The following ASXL3 variants were observed in gnomAD, a reference collection of about 807,000 sequenced individuals.
ASXL3 encodes the protein putative Polycomb group protein ASXL3.
ASXL3 carries 34 observed loss-of-function variants against 170.6 expected under a neutral mutation model. The ratio of observed to expected loss-of-function variants is 0.20; its 90% CI spans 0.15 to 0.27. The LOEUF is 0.27. Ranked by LOEUF, ASXL3 falls within the 10% of genes least tolerant of loss-of-function variation. The probability of loss-of-function intolerance (pLI) is 1.00; values close to 1 mark genes in which losing one functional copy is unlikely to be tolerated. For missense variants in ASXL3, 2,592 were observed against 2,695.3 expected, an observed-to-expected ratio of 0.96 and a Z score of 0.85; for synonymous variants, 1,002 against 989.1, an observed-to-expected ratio of 1.01 and a Z score of -0.24.
At chr18:33,600,998 C>T (rs1380668640) in intron 1 of ASXL3, among the ~76,000 whole-genome samples, 1 of 152,098 alleles carries the variant, frequency 6.6e-6, no homozygotes, top group Non-Finnish European at 1.5e-5. Flanking sequence ...TTAGTATGCT[C>T]TTCTTCCTAG....
At position 33,746,577 on chromosome 18, in the gene ASXL3, A is replaced by G. The variant is rs1350695097; in HGVS notation, c.6729A>G (p.Ala2243=). 6.3e-7 allele frequency: 1 copy of G among 1,590,648 alleles called. No individual in the cohort carries two copies. Among genetic ancestry groups the G allele is most frequent in the Non-Finnish European group, 8.6e-7 (1 of 1,165,554 alleles). ...TAGGTCCTTCAAAACTTTGTGTAGC[A>G]TGCCTGGTTGTACGATAAGAGCTGA... ...DCIGPSKLCV[A]CLVVR is the part of the protein sequence containing the mutation. The change falls in exon 12 of 12, where the codon GCA becomes GCG. Residue 2243 remains alanine (A), a synonymous_variant. Coordinates refer to ENST00000269197, the MANE Select transcript of ASXL3 (RefSeq NM_030632.3).
chr18:33,631,676 G>C (rs1018876684), intron 2 of ASXL3, among the ~76,000 whole-genome samples: 2 of 151,990 alleles, frequency 1.3e-5, no homozygotes, highest in Admixed American at 1.3e-4. Context: ...TCTCAAACTT[G>C]GTTGCACATT....
chr18:33,696,138 G>A (rs1344189927), intron 8 of ASXL3, among the ~76,000 whole-genome samples: 1 of 151,982 alleles, frequency 6.6e-6, no homozygotes, highest in East Asian at 1.9e-4. Flanking sequence ...CTAAATTAGG[G>A]TCAAAGTTAG....
intron 8 of ASXL3, among the ~76,000 whole-genome samples, chr18:33,689,040 C>G (rs1340010597): frequency 6.6e-6 from 1 of 151,782 alleles, no homozygotes; most frequent in Non-Finnish European, 1.5e-5. Flanking sequence ...TTCACCCAGG[C>G]TGGAGTGCAG....
intron 4 of ASXL3, among the ~76,000 whole-genome samples, chr18:33,654,903 A>G (rs2066059520): frequency 6.6e-6 from 1 of 152,008 alleles, no homozygotes; most frequent in Non-Finnish European, 1.5e-5. Flanking sequence ...AGATATTTTT[A>G]TGAATATCCA....
intron 9 of ASXL3, among the ~76,000 whole-genome samples, chr18:33,733,160 G>T (rs4799355): frequency 0.59 from 90,063 of 151,876 alleles, 27,922 homozygotes; most frequent in East Asian, 0.9. Flanking sequence ...GCTATTGCCA[G>T]CGTGCCAAGA....
chr18:33,715,056 C>T, intron 8 of ASXL3, among the ~76,000 whole-genome samples: 1 of 152,218 alleles, frequency 6.6e-6, no homozygotes, highest in Non-Finnish European at 1.5e-5. Context: ...TCAGTACACC[C>T]CCTTCAGTAA....
At position 33,647,314 on chromosome 18, in the gene ASXL3, C is replaced by T. The variant is rs1245653898; in HGVS notation, c.355+961C>T. On this transcript the variant is annotated intron_variant, in intron 4 of 11. Transcript: ENST00000269197. ...TGTAAGACTGTTACTGCTTCCGTTC[C>T]TCTCTGATCTGTAGCAAAGGTTGTG... 2.0e-5 allele frequency among the ~76,000 whole-genome samples: 3 copies of T among 152,070 alleles called. 1 individual carries two copies. The highest frequency in any genetic ancestry group is 2.0e-4 in the Admixed American group (3 of 15,260).
chr18:33,608,367 AATC>A (rs2145125376), intron 2 of ASXL3, among the ~76,000 whole-genome samples: 1 of 152,128 alleles, frequency 6.6e-6, no homozygotes, highest in South Asian at 2.1e-4. Context: ...ATATAAGTGG[AATC>A]ATCTAATATG....
chr18:33,726,697 T>C (rs770236730), intron 8 of ASXL3, among the ~76,000 whole-genome samples: 1 of 152,210 alleles, frequency 6.6e-6, no homozygotes, highest in Non-Finnish European at 1.5e-5. Flanking sequence ...TTTATACTAT[T>C]AGACAGCAGT....
At chr18:33,661,541 C>G in intron 4 of ASXL3, 75 bp from the exon 5 acceptor site, 2 of 1,418,152 alleles carry the variant, frequency 1.4e-6, no homozygotes. Context: ...TGCAGAAAAG[C>G]TCCAAGTGTG....
At chr18:33,605,819 C>T (rs1238525454) in intron 1 of ASXL3, among the ~76,000 whole-genome samples, 1 of 151,872 alleles carries the variant, frequency 6.6e-6, no homozygotes, top group Non-Finnish European at 1.5e-5. Flanking sequence ...CTATCTGTCT[C>T]CTCTTTCCCC....
intron 2 of ASXL3, among the ~76,000 whole-genome samples, chr18:33,608,634 A>G (rs1001181171): frequency 4.6e-5 from 7 of 152,030 alleles, no homozygotes; most frequent in African/African-American, 1.7e-4. Flanking sequence ...GTATGTAATC[A>G]GCCATGTTAC....
intron 2 of ASXL3, among the ~76,000 whole-genome samples, chr18:33,610,682 A>G (rs1024074101): frequency 6.6e-6 from 1 of 152,106 alleles, no homozygotes; most frequent in Admixed American, 6.6e-5. Flanking sequence ...TACTCAATAA[A>G]CAGTTGTTTA....
intron 1 of ASXL3, among the ~76,000 whole-genome samples, chr18:33,597,016 T>C (rs1028789526): frequency 3.9e-5 from 6 of 152,128 alleles, no homozygotes; most frequent in African/African-American, 1.2e-4. Context: ...GGTTTCACCA[T>C]GTTGACCAGG....
intron 8 of ASXL3, among the ~76,000 whole-genome samples, chr18:33,713,705 G>C (rs1382329290): frequency 6.6e-6 from 1 of 152,200 alleles, no homozygotes; most frequent in South Asian, 2.1e-4. Flanking sequence ...CTGGATAACT[G>C]CATGTATACA....
chr18:33,603,314 C>T (rs1287789149), intron 1 of ASXL3, among the ~76,000 whole-genome samples: 1 of 151,908 alleles, frequency 6.6e-6, no homozygotes, highest in Non-Finnish European at 1.5e-5. Flanking sequence ...ACTTAAGGAC[C>T]AAAGTTAACA....
chr18:33,611,678 C>T (rs1035588650), intron 2 of ASXL3, among the ~76,000 whole-genome samples: 1 of 152,076 alleles, frequency 6.6e-6, no homozygotes, highest in African/African-American at 2.4e-5. Flanking sequence ...TAAACATCCT[C>T]ACTTCCTTAG....
intron 5 of ASXL3, among the ~76,000 whole-genome samples, chr18:33,665,324 T>C (rs2066240554): frequency 6.6e-6 from 1 of 152,212 alleles, no homozygotes; most frequent in Admixed American, 6.5e-5. Context: ...CTATTCTTGG[T>C]ATTTTGCTTT....
Sources: allele counts gnomAD v4.1 joint callset (sites outside exome capture counted in the v4.1 genomes callset), GRCh38; gene constraint gnomAD v4.1.1; transcripts MANE v1.5; gene names NCBI Gene and HGNC (gene_info 2026-07-23, HGNC 2026-07-21).